HIVEP3: variants seen among roughly 807,000 people sequenced by gnomAD.
HIVEP3 encodes the protein HIVEP zinc finger 3.
A neutral mutation model predicts 152.8 loss-of-function variants in HIVEP3; 49 were observed. The ratio of observed to expected loss-of-function variants is 0.32; its 90% confidence interval spans 0.26 to 0.41. The LOEUF is 0.41. Ranked by LOEUF, HIVEP3 falls within the 10% of genes least tolerant of loss-of-function variation. The pLI is 1.00. For missense variants in HIVEP3, 2,790 were observed against 3,103.3 expected (o/e 0.90, Z 2.40); for synonymous variants, 1,269 against 1,289.0 (o/e 0.98, Z 0.33).
At chr1:41,530,703 C>T (rs1643219393) in intron 5 of HIVEP3, among the ~76,000 whole-genome samples, 1 of 152,244 alleles carries the variant, frequency 6.6e-6, no homozygotes. Flanking sequence ...CACAGGCCCA[C>T]AGCCACTCTG....
At chr1:41,604,256 A>T (rs1644786609) in intron 3 of HIVEP3, among the ~76,000 whole-genome samples, 1 of 152,274 alleles carries the variant, frequency 6.6e-6, no homozygotes, top group African/African-American at 2.4e-5. Context: ...ATGATAGCCA[A>T]AAAAACTGGA....
In HIVEP3 at chr1:41,580,905, G is replaced by A. The variant is rs773947291; in HGVS notation, c.3893C>T (p.Ala1298Val). 4 of 1,612,518 alleles carry A rather than the reference G, an allele frequency of 2.5e-6. No homozygotes were observed. In the African/African-American group the frequency reaches 4.0e-5, roughly 16 times the overall value. Reference sequence around the variant, plus strand: ...GGCCAGTGGAGGAGCTGATGTAGGTGCTGAGGAGCTGGCTGGGGGAGCCAC... The same window carrying A: ...GGCCAGTGGAGGAGCTGATGTAGGTACTGAGGAGCTGGCTGGGGGAGCCAC... ...PPVAPPASSS[A>V]PTSAPPLALP... Residue 1298 changes from alanine (A) to valine (V), a missense_variant, in exon 4 of 9, where the codon GCA becomes GTA. Coordinates refer to ENST00000372583, the MANE Select transcript of HIVEP3 (RefSeq NM_024503.5).
At chr1:41,851,937 A>T (rs753753582) in intron 1 of HIVEP3, among the ~76,000 whole-genome samples, 2 of 152,220 alleles carry the variant, frequency 1.3e-5, no homozygotes, top group Admixed American at 6.5e-5. Flanking sequence ...ACCCTCAAAA[A>T]GTCATGTAAA....
At position 41,581,554 on chromosome 1, in the gene HIVEP3, T is replaced by C; in HGVS notation, c.3244A>G (p.Lys1082Glu). 6.2e-7 allele frequency: 1 copy of C among 1,604,772 alleles called. No individual in the cohort carries two copies. Among genetic ancestry groups the C allele is most frequent in the South Asian group, 1.1e-5 (1 of 89,506 alleles). ...PQPSSSKPSA[K>E]SSLSQISSAA... ...GAGGAAATCTGGGACAATGAGCTTT[T>C]GGCAGAGGGTTTACTGGATGAGGGC... The change falls in exon 4 of 9, where the codon AAA (lysine) becomes GAA (glutamate). Residue 1082 changes from lysine to glutamate, a missense_variant. Coordinates refer to ENST00000372583, the MANE Select transcript of HIVEP3 (RefSeq NM_024503.5). The surrounding 1 kb of genome is among the most constrained non-coding windows in gnomAD (Gnocchi z 4.5).
At chr1:41,819,303 A>G (rs1001712741) in intron 1 of HIVEP3, among the ~76,000 whole-genome samples, 2 of 152,020 alleles carry the variant, frequency 1.3e-5, no homozygotes, top group African/African-American at 4.8e-5. Context: ...CATTCTCAGT[A>G]GTGTCTAATT....
intron 1 of HIVEP3, among the ~76,000 whole-genome samples, chr1:41,884,034 T>A (rs1363201055): frequency 6.6e-6 from 1 of 152,234 alleles, no homozygotes; most frequent in Non-Finnish European, 1.5e-5. Context: ...GGCGAAATCT[T>A]GGCTCACTGC....
rs139055765 is a variant in HIVEP3 at position 41,591,276 on chromosome 1, G to C, written c.-521-5958C>G. 7.7e-4 allele frequency among the ~76,000 whole-genome samples: 117 copies of C among 152,182 alleles called. 1 individual carries two copies. The highest frequency in any genetic ancestry group is 1.9e-4 in the Non-Finnish European group (13 of 67,988). On this transcript the variant is annotated intron_variant, in intron 3 of 8. Transcript: ENST00000372583. The stretch of plus-strand genomic sequence containing the variant: ...ATGAGAACCAAGGTTGAATTCGGAG[G>C]TCAAAGCAGGGCCCCCACAGAAACC...
At chr1:41,795,986 T>C (rs191020964) in intron 1 of HIVEP3, among the ~76,000 whole-genome samples, 81 of 152,330 alleles carry the variant, frequency 5.3e-4, no homozygotes, top group African/African-American at 1.8e-3. Context: ...GACTAAGATC[T>C]GGGCAGTGAG....
At chr1:42,025,200 T>A (rs1645575391) in intron 1 of HIVEP3, among the ~76,000 whole-genome samples, 1 of 152,236 alleles carries the variant, frequency 6.6e-6, no homozygotes, top group Non-Finnish European at 1.5e-5. Flanking sequence ...TGTCACATTT[T>A]TTGTCTTTTT....
intron 3 of HIVEP3, among the ~76,000 whole-genome samples, chr1:41,616,198 C>T (rs1189773705): frequency 6.6e-6 from 1 of 152,078 alleles, no homozygotes; most frequent in Non-Finnish European, 1.5e-5. Context: ...GTTGGCATGG[C>T]TCATACAAAC....
intron 1 of HIVEP3, among the ~76,000 whole-genome samples, chr1:41,823,823 G>C (rs1007826662): frequency 3.9e-5 from 6 of 152,160 alleles, no homozygotes; most frequent in Non-Finnish European, 5.9e-5. Context: ...ACACAGCTTC[G>C]TTTCTAGGCC....
At chr1:41,821,773 G>A (rs1325544287) in intron 1 of HIVEP3, among the ~76,000 whole-genome samples, 1 of 152,236 alleles carries the variant, frequency 6.6e-6, no homozygotes, top group Non-Finnish European at 1.5e-5. Context: ...TCCTTTGGCT[G>A]CCTGAGCAAG....
At chr1:41,798,519 G>A (rs1314212968) in intron 1 of HIVEP3, among the ~76,000 whole-genome samples, 2 of 152,186 alleles carry the variant, frequency 1.3e-5, no homozygotes, top group Non-Finnish European at 2.9e-5. Context: ...AACCCCTGAA[G>A]AAGTATACCA....
chr1:41,763,551 A>G (rs766430597), intron 1 of HIVEP3, among the ~76,000 whole-genome samples: 21 of 152,204 alleles, frequency 1.4e-4, no homozygotes, highest in Non-Finnish European at 2.8e-4. Flanking sequence ...GTAGTCTCCA[A>G]AGTATAGTAT....
rs145583544 is a variant in HIVEP3 at position 41,787,633 on chromosome 1, C to T, written c.-800-86638G>A. ...ACTGCAGCCTCAAACTCCTGAGCTC[C>T]AGCGATCCTCCCAAATCGCTGGGAC... On this transcript the variant is annotated intron_variant, in intron 1 of 8. Transcript: ENST00000372583. 5.6e-3 allele frequency among the ~76,000 whole-genome samples: 848 copies of T among 151,202 alleles called. 7 individuals are homozygous for T. The highest frequency in any genetic ancestry group is 0.019 in the African/African-American group (788 of 41,238).
chr1:41,920,804 G>A (rs1644937152), upstream of HIVEP3, among the ~76,000 whole-genome samples: 2 of 152,138 alleles, frequency 1.3e-5, no homozygotes, highest in Non-Finnish European at 2.9e-5. Flanking sequence ...AACTTTTTAA[G>A]GGTTAAATGA....
At chr1:41,716,602 C>T (rs541896039) in intron 1 of HIVEP3, among the ~76,000 whole-genome samples, 6 of 152,296 alleles carry the variant, frequency 3.9e-5, no homozygotes, top group African/African-American at 1.4e-4. Flanking sequence ...GGAGGGCCCT[C>T]TGGACAGACA....
chr1:41,521,685 G>T (rs1423812887), intron 6 of HIVEP3, among the ~76,000 whole-genome samples: 1 of 152,250 alleles, frequency 6.6e-6, no homozygotes, highest in African/African-American at 2.4e-5. Context: ...GAATGAAGAG[G>T]AAAGGCAAGT....
chr1:41,716,812 G>A (rs1020554248), intron 1 of HIVEP3, among the ~76,000 whole-genome samples: 15 of 152,190 alleles, frequency 9.9e-5, no homozygotes, highest in Non-Finnish European at 1.9e-4. Context: ...GCAGGAGAGG[G>A]AGATGTGAAC....
Sources: gnomAD v4.1 joint callset for allele counts (sites outside exome capture counted in the v4.1 genomes callset) on GRCh38, gnomAD v4.1.1 for gene constraint, Gnocchi (gnomAD v3.1) non-coding constraint, MANE v1.5 for transcripts, NCBI Gene and HGNC (gene_info 2026-07-23, HGNC 2026-07-21) for gene names.